AZIN2: variants seen among roughly 807,000 people sequenced by gnomAD.
AZIN2 encodes ODC antizyme inhibitor-2.
AZIN2 carries 28 observed loss-of-function variants against 47.8 expected under a neutral mutation model. That is an observed-to-expected ratio of 0.59 (90% CI 0.43 to 0.80). The LOEUF is 0.80. Among genes scored for constraint, AZIN2 ranks in the 30% least tolerant of loss-of-function variants. AZIN2 has a pLI of 0.00. For synonymous variants in AZIN2, 221 were observed against 239.4 expected (o/e 0.92, Z 0.71); for missense variants, 535 against 582.5 (o/e 0.92, Z 0.84).
the AZIN2 span, chr1:33,146,909 AG>A: frequency 1.4e-5 from 7 of 487,822 alleles, no homozygotes; most frequent in African/African-American, 1.2e-4. Flanking sequence ...AGGGTTGGGC[AG>A]GGGTTGCCCT....
intron 10 of AZIN2, among the ~76,000 whole-genome samples, chr1:33,106,968 T>C (rs1344666680): frequency 6.6e-6 from 1 of 152,192 alleles, no homozygotes; most frequent in African/African-American, 2.4e-5. Flanking sequence ...TTGTCTCTGT[T>C]TGCAGATGAC....
intron 6 of AZIN2, 41 bp downstream of exon 6, chr1:33,092,263 A>G: frequency 6.8e-7 from 1 of 1,475,364 alleles, no homozygotes; most frequent in Non-Finnish European, 9.1e-7. Flanking sequence ...GGCTGTGGGG[A>G]GCCTGGGCTG....
the AZIN2 span, among the ~76,000 whole-genome samples, chr1:33,138,716 T>C: frequency 6.6e-6 from 1 of 152,098 alleles, no homozygotes; most frequent in Admixed American, 6.6e-5. Context: ...CAGTGGCTGA[T>C]GGATGATTTT....
intron 10 of AZIN2, among the ~76,000 whole-genome samples, chr1:33,106,118 G>A (rs1485599271): frequency 6.6e-6 from 1 of 152,146 alleles, no homozygotes; most frequent in Non-Finnish European, 1.5e-5. Context: ...AGGATCATAA[G>A]AGACCACTAC....
intron 5 of AZIN2, among the ~76,000 whole-genome samples, chr1:33,088,872 A>G (rs1187400126): frequency 6.6e-6 from 1 of 152,108 alleles, no homozygotes; most frequent in Non-Finnish European, 1.5e-5. Context: ...TTTTCTTCCC[A>G]GCTCTTAACC....
chr1:33,109,924 TG>T (rs990781717), intron 10 of AZIN2, among the ~76,000 whole-genome samples: 2 of 152,188 alleles, frequency 1.3e-5, no homozygotes, highest in African/African-American at 4.8e-5. Context: ...ACTGGATTTT[TG>T]TTTTGGAGTG....
At chr1:33,154,809 A>G in the AZIN2 span, among the ~76,000 whole-genome samples, 18 of 117,374 alleles carry the variant, frequency 1.5e-4, no homozygotes, top group African/African-American at 4.6e-4. Context: ...AAAAAAAAAA[A>G]GTGGCCAGGC....
rs529674545 is a variant in AZIN2 at position 33,121,782 on chromosome 1, A to G, written c.*1600A>G. Among the ~76,000 whole-genome samples, 102 of 152,306 alleles carry G rather than the reference A, an allele frequency of 6.7e-4. No individual in the cohort carries two copies. Among genetic ancestry groups the G allele is most frequent in the Non-Finnish European group, 1.1e-3 (78 of 68,022 alleles). On this transcript the variant is annotated 3_prime_UTR_variant, in exon 12 of 12. Transcript: ENST00000294517. ...GACATTGTATTGTGATGGATTTTCT[A>G]TCTTCACTTGAGCTTCTCTCTAGGT...
chr1:33,150,102 C>T, the AZIN2 span, among the ~76,000 whole-genome samples: 1 of 152,316 alleles, frequency 6.6e-6, no homozygotes, highest in East Asian at 1.9e-4. Flanking sequence ...GATAACTGGC[C>T]AGAGGAGAAG....
chr1:33,099,164 C>T (rs879896331), intron 10 of AZIN2, among the ~76,000 whole-genome samples: 2 of 152,128 alleles, frequency 1.3e-5, no homozygotes, highest in Non-Finnish European at 2.9e-5. Context: ...GTTTTTCCTT[C>T]CCTTCCCAAC....
the AZIN2 span, chr1:33,147,393 C>G: frequency 6.2e-7 from 1 of 1,614,164 alleles, no homozygotes; most frequent in South Asian, 1.1e-5. This position sits in a 1 kb window ranked among gnomAD's most constrained non-coding sequence, Gnocchi z 8.1. Flanking sequence ...TAAGCCGCGT[C>G]CAGGGCTCCG....
chr1:33,106,820 A>G (rs1296873274), intron 10 of AZIN2, among the ~76,000 whole-genome samples: 1 of 152,180 alleles, frequency 6.6e-6, no homozygotes, highest in East Asian at 1.9e-4. Flanking sequence ...ATACTCAACA[A>G]GGATCCTAAG....
downstream of AZIN2, among the ~76,000 whole-genome samples, chr1:33,123,705 A>G (rs867166788): frequency 2.0e-5 from 3 of 152,230 alleles, no homozygotes; most frequent in African/African-American, 7.2e-5. Flanking sequence ...TCTACTAAAG[A>G]TACAAAAAAT....
At chr1:33,158,234 A>C in the AZIN2 span, 5 of 1,609,986 alleles carry the variant, frequency 3.1e-6, no homozygotes, top group Non-Finnish European at 4.2e-6. Context: ...GCTCTGGACC[A>C]TGATAACCCA....
chr1:33,093,344 G>A lies in AZIN2; in HGVS notation c.515G>A (p.Gly172Glu). 6.2e-7 allele frequency: 1 copy of A among 1,614,108 alleles called. No homozygotes were observed. The highest frequency in any genetic ancestry group is 8.5e-7 in the Non-Finnish European group (1 of 1,179,998). ...HSLSCLSLKF[G>E]VSLKSCRHLL... ...CTGAGCTGCCTGAGCCTAAAGTTTG[G>A]AGTGTCACTGAAATCCTGCAGACAC... Residue 172 changes from glycine (G) to glutamate (E), a missense_variant, in exon 7 of 12, where the codon GGA becomes GAA. This residue lies in a region of AZIN2 where 409 missense variants were observed against 429.0 expected (regional missense o/e 0.95). Coordinates refer to ENST00000294517, the MANE Select transcript of AZIN2 (RefSeq NM_052998.4).
the AZIN2 span, among the ~76,000 whole-genome samples, chr1:33,128,590 T>C: frequency 1.3e-5 from 2 of 152,222 alleles, no homozygotes; most frequent in African/African-American, 2.4e-5. Context: ...CCCCACCCTC[T>C]TCCTGTGTCT....
rs1641301495 is a variant in AZIN2, at chr1:33,081,892, A to G, written c.-73+80A>G. 6.8e-6 allele frequency: 2 copies of G among 295,386 alleles called. No individual in the cohort carries two copies. Among genetic ancestry groups the G allele is most frequent in the Non-Finnish European group, 1.3e-5 (2 of 151,752 alleles). 18.3% of individuals were successfully genotyped at this position (295,386 alleles called of 1,614,324 possible). ...AGATTTTCTGTTCCATCTCTCTCTCACTCTTTCCTGAAATCCAGAATTTCA... is the reference window on the plus strand; with the variant it reads ...AGATTTTCTGTTCCATCTCTCTCTCGCTCTTTCCTGAAATCCAGAATTTCA... On this transcript the variant is annotated intron_variant, in intron 3 of 11. Coordinates refer to ENST00000294517, the MANE Select transcript of AZIN2 (RefSeq NM_052998.4). This position sits in a 1 kb window ranked among gnomAD's most constrained non-coding sequence, Gnocchi z 4.2.
chr1:33,160,090 CATG>C, the AZIN2 span: 3 of 1,053,192 alleles, frequency 2.8e-6, no homozygotes, highest in South Asian at 4.7e-5. Context: ...CATGCAAAAG[CATG>C]GTGGTAGGAA....
the AZIN2 span, among the ~76,000 whole-genome samples, chr1:33,152,190 A>G: frequency 6.6e-6 from 1 of 152,228 alleles, no homozygotes; most frequent in East Asian, 1.9e-4. Flanking sequence ...TGCCACTTGG[A>G]GAGGAAGCAG....
Sources: gnomAD v4.1 joint callset for allele counts (sites outside exome capture counted in the v4.1 genomes callset) on GRCh38, gnomAD v4.1.1 for gene constraint, gnomAD v4.1.1 regional missense constraint, Gnocchi (gnomAD v3.1) non-coding constraint, MANE v1.5 for transcripts, NCBI Gene and HGNC (gene_info 2026-07-23, HGNC 2026-07-21) for gene names.